The following SAMD9L variants were observed in gnomAD, a reference collection of about 807,000 sequenced individuals.
The protein encoded by SAMD9L is sterile alpha motif domain containing 9 like, also known as sterile alpha motif domain-containing protein 9-like.
Under a neutral mutation model 90.7 loss-of-function variants are expected in SAMD9L, and 68 were observed. That is an observed-to-expected ratio of 0.75 (90% CI 0.62 to 0.92). The LOEUF is 0.92. SAMD9L is among the 40% of genes least tolerant of loss of function. The pLI is 0.00. For synonymous variants in SAMD9L, 640 were observed against 630.1 expected (o/e 1.02, Z -0.23); for missense variants, 1,604 against 1,824.3 (o/e 0.88, Z 2.20).
chr7:93,138,213 C>T (rs796098442), intron 4 of SAMD9L, among the ~76,000 whole-genome samples: 1 of 152,236 alleles, frequency 6.6e-6, no homozygotes, highest in African/African-American at 2.4e-5. Flanking sequence ...ACTTGTGGGT[C>T]TTAAGGAGTC....
chr7:93,139,817 C>G (rs1216590235), intron 4 of SAMD9L, among the ~76,000 whole-genome samples: 1 of 152,206 alleles, frequency 6.6e-6, no homozygotes, highest in African/African-American at 2.4e-5. Flanking sequence ...GCCCCTCAGA[C>G]CCACTGCCTT....
rs1792394594 is a variant in SAMD9L at position 93,135,455 on chromosome 7, C to G, written c.517G>C (p.Asp173His). 6.2e-7 allele frequency: 1 copy of G among 1,614,008 alleles called. No individual in the cohort carries two copies. Among genetic ancestry groups the G allele is most frequent in the Non-Finnish European group, 8.5e-7 (1 of 1,180,002 alleles). The part of the protein sequence containing the change: ...CMPYPFDQFH[D>H]SHRYIEHYTL... ...TAATGTTCTATGTAGCGATGGCTGT[C>G]ATGGAACTGATCAAAAGGATATGGC... The change falls in exon 5 of 5, where the codon GAC becomes CAC. Residue 173 changes from aspartate to histidine, a missense_variant. Physicochemically the swap from Asp to His is moderately conservative, Grantham distance 81. Transcript: ENST00000318238.
In SAMD9L at chr7:93,134,701, C is replaced by T; in HGVS notation, c.1271G>A (p.Cys424Tyr). ...YDWYILVTNK[C>Y]HPNQIKHLDF... ...TAAGTGCTTTATTTGGTTTGGATGG[C>T]ATTTATTTGTTACAAGAATGTACCA... Residue 424 changes from cysteine to tyrosine, a missense_variant, in exon 5 of 5, where the codon TGC becomes TAC. Physicochemically the swap from Cys to Tyr is radical, Grantham distance 194. This residue lies in a region of SAMD9L where 606 missense variants were observed against 717.6 expected (regional missense o/e 0.84). Transcript: ENST00000318238. The T allele has an allele frequency of 1.2e-6, 2 of 1,613,516 alleles. No individual in the cohort carries two copies. The highest frequency in any genetic ancestry group is 1.7e-6 in the Non-Finnish European group (2 of 1,179,836).
At chr7:93,141,580 T>C (rs1023628628) in intron 4 of SAMD9L, among the ~76,000 whole-genome samples, 3 of 150,944 alleles carry the variant, frequency 2.0e-5, no homozygotes, top group Non-Finnish European at 4.4e-5. Context: ...TTTTTACTGC[T>C]TTTTTTTTCA....
rs928245048 is a variant in SAMD9L, at chr7:93,132,415, T to C, written c.3557A>G (p.Gln1186Arg). ...ETENWSPQKS[Q>R]RRYDMYNTAC... ...TGTGTTATACATGTCATATCGTCTC[T>C]GGGACTTCTGTGGTGACCAGTTCTC... Residue 1186 changes from glutamine to arginine, a missense_variant, in exon 5 of 5, where the codon CAG (glutamine) becomes CGG (arginine). Transcript: ENST00000318238. 1 of 1,613,864 alleles carries C rather than the reference T, an allele frequency of 6.2e-7. No individual in the cohort carries two copies. Among genetic ancestry groups the C allele is most frequent in the Middle Eastern group, 1.7e-4 (1 of 6,056 alleles).
At chr7:93,145,110 G>A (rs1792839962) in intron 3 of SAMD9L, among the ~76,000 whole-genome samples, 1 of 152,132 alleles carries the variant, frequency 6.6e-6, no homozygotes, top group Non-Finnish European at 1.5e-5. Context: ...TCACCCCAGA[G>A]CTTTCCACCT....
At chr7:93,147,229 G>A (rs959110207) in intron 1 of SAMD9L, 83 bp from the exon 2 acceptor site, 9 of 152,120 alleles carry the variant, frequency 5.9e-5, no homozygotes, top group African/African-American at 1.9e-4. Context: ...GTATGCTGTT[G>A]GAACTAAGTA....
At chr7:93,144,475 C>T (rs1792815613) in intron 4 of SAMD9L, among the ~76,000 whole-genome samples, 1 of 152,140 alleles carries the variant, frequency 6.6e-6, no homozygotes, top group Non-Finnish European at 1.5e-5. Flanking sequence ...ACTCAAAGTA[C>T]ACGGGAGGAT....
At position 93,148,225 on chromosome 7, in the gene SAMD9L, A is replaced by G. The variant is rs1247562732; in HGVS notation, c.-1074T>C. The G allele has an allele frequency of 2.0e-5, 3 of 152,234 alleles. No individual in the cohort carries two copies. Among genetic ancestry groups the G allele is most frequent in the African/African-American group, 7.2e-5 (3 of 41,462 alleles). The allele number at this position is 152,234 out of a possible 1,614,324, so 9.4% of individuals were successfully genotyped here. ...TTTCCTGAAAATGTCATCGTTTTATATCAGAAACTTGAAACAGGCCATTTG... is the reference window on the plus strand; with the variant it reads ...TTTCCTGAAAATGTCATCGTTTTATGTCAGAAACTTGAAACAGGCCATTTG... On this transcript the variant is annotated 5_prime_UTR_variant, in exon 1 of 5. Coordinates refer to ENST00000318238, the MANE Select transcript of SAMD9L (RefSeq NM_152703.5).
Position 93,134,092 on chromosome 7 carries a change from A to T in SAMD9L, c.1880T>A (p.Val627Glu). 6.2e-7 allele frequency: 1 copy of T among 1,613,962 alleles called. No homozygotes were observed. The highest frequency in any genetic ancestry group is 1.3e-5 in the African/African-American group (1 of 75,020). Reference sequence around the variant, plus strand: ...CAAAAACCTTCTTGATGACCGAGTCACCGATTTTAGTTTAAGGATAGTGCT... The same window carrying T: ...CAAAAACCTTCTTGATGACCGAGTCTCCGATTTTAGTTTAAGGATAGTGCT... ...VNSTILKLKS[V>E]TRSSRRFLPA... is the part of the protein sequence containing the mutation. The change falls in exon 5 of 5, where the codon GTG (valine) becomes GAG (glutamate). Residue 627 changes from valine (V) to glutamate (E), a missense_variant. Physicochemically the swap from Val to Glu is moderately radical, Grantham distance 121 (BLOSUM62 -2). This residue lies in a region of SAMD9L where 606 missense variants were observed against 717.6 expected (regional missense o/e 0.84). Transcript: ENST00000318238.
chr7:93,135,847 ACTT>A lies in SAMD9L; in HGVS notation c.122_124del (p.Glu41del). On this transcript the variant is annotated inframe_deletion, in exon 5 of 5. Transcript: ENST00000318238. ...TAATTCCTGCAGGACTAATCCTGTTACTTCTTCACTGAGCAGAATTTGCCCGTA... is the reference window on the plus strand; with the variant it reads ...TAATTCCTGCAGGACTAATCCTGTTACTTCACTGAGCAGAATTTGCCCGTA... 1 of 1,613,976 alleles carries A rather than the reference ACTT, an allele frequency of 6.2e-7. No individual in the cohort carries two copies. The highest frequency in any genetic ancestry group is 1.1e-5 in the South Asian group (1 of 91,078).
Position 93,142,776 on chromosome 7 carries a change from G to A in SAMD9L, c.-21+1956C>T, listed in dbSNP as rs1202780474. On this transcript the variant is annotated intron_variant, in intron 4 of 4. Transcript: ENST00000318238. ...GCTTTAGGCAACAAACCCTCCTCTGGAGATGCTCTTACTGTCACCATAGAG... is the reference window on the plus strand; with the variant it reads ...GCTTTAGGCAACAAACCCTCCTCTGAAGATGCTCTTACTGTCACCATAGAG... Among the ~76,000 whole-genome samples the A allele has an allele frequency of 6.6e-5, 10 of 152,198 alleles. No individual in the cohort carries two copies. The East Asian group carries it at 1.7e-3, about 26-fold the overall frequency.
Position 93,134,570 on chromosome 7 carries a change from G to A in SAMD9L, c.1402C>T (p.His468Tyr). 6.2e-7 allele frequency: 1 copy of A among 1,613,966 alleles called. No homozygotes were observed. The highest frequency in any genetic ancestry group is 1.1e-5 in the South Asian group (1 of 91,078). Residue 468 changes from histidine (H) to tyrosine (Y), a missense_variant, in exon 5 of 5, where the codon CAC becomes TAC. By Grantham distance (83) the His-to-Tyr change is moderately conservative. Transcript: ENST00000318238. ...AYKESRVANLHFPNQYEDKTT... is the reference protein window; with the variant it reads ...AYKESRVANLYFPNQYEDKTT... ...TTGTCTTCATATTGATTTGGAAAGTGAAGGTTTGCCACCCGACTTTCTTTG... is the reference window on the plus strand; with the variant it reads ...TTGTCTTCATATTGATTTGGAAAGTAAAGGTTTGCCACCCGACTTTCTTTG...
chr7:93,141,899 C>T (rs1299361007), intron 4 of SAMD9L, among the ~76,000 whole-genome samples: 1 of 152,142 alleles, frequency 6.6e-6, no homozygotes, highest in Non-Finnish European at 1.5e-5. Context: ...AGCCAAAGTC[C>T]TTAAATAAGG....
rs1416925257 is a variant in SAMD9L at position 93,132,513 on chromosome 7, TAGG to T, written c.3456_3458del (p.Leu1153del). On this transcript the variant is annotated inframe_deletion, in exon 5 of 5. Coordinates refer to ENST00000318238, the MANE Select transcript of SAMD9L (RefSeq NM_152703.5). ...CTCTTGAGGCTTTTTCCGCAGCTTCTAGGAGATGTGTTAGGTCATTAACAGTAA... is the reference window on the plus strand; with the variant it reads ...CTCTTGAGGCTTTTTCCGCAGCTTCTAGATGTGTTAGGTCATTAACAGTAA... 1 of 1,613,834 alleles carries T rather than the reference TAGG, an allele frequency of 6.2e-7. No homozygotes were observed. Among genetic ancestry groups the T allele is most frequent in the East Asian group, 2.2e-5 (1 of 44,890 alleles).
At position 93,133,211 on chromosome 7, in the gene SAMD9L, G is replaced by A. The variant is rs1792224771; in HGVS notation, c.2761C>T (p.Leu921Phe). The change falls in exon 5 of 5, where the codon CTC (leucine) becomes TTC (phenylalanine). Residue 921 changes from leucine to phenylalanine, a missense_variant. Leu to Phe is a conservative substitution (Grantham distance 22). Coordinates refer to ENST00000318238, the MANE Select transcript of SAMD9L (RefSeq NM_152703.5). ...GQDVDSKEAQ[L>F]ISFLALLSSY... is the part of the protein sequence containing the mutation. ...CTGAGTAAAGCCAGGAAGGAAATGAGTTGTGCTTCCTTGCTGTCAACATCC... is the reference window on the plus strand; with the variant it reads ...CTGAGTAAAGCCAGGAAGGAAATGAATTGTGCTTCCTTGCTGTCAACATCC... The A allele has an allele frequency of 2.5e-6, 4 of 1,613,296 alleles. No homozygotes were observed. In the East Asian group the frequency reaches 6.7e-5, roughly 27 times the overall value.
At position 93,135,837 on chromosome 7, in the gene SAMD9L, T is replaced by C. The variant is rs762101388; in HGVS notation, c.135A>G (p.Leu45=). ...CCTTCTCAGTTAATTCCTGCAGGACTAATCCTGTTACTTCTTCACTGAGCA... is the reference window on the plus strand; with the variant it reads ...CCTTCTCAGTTAATTCCTGCAGGACCAATCCTGTTACTTCTTCACTGAGCA... ...QILLSEEVTG[L]VLQELTEKDL... is the part of the protein sequence containing the mutation. The change falls in exon 5 of 5, where the codon TTA becomes TTG. Residue 45 remains leucine (L), a synonymous_variant. Transcript: ENST00000318238. 1 of 1,614,084 alleles carries C rather than the reference T, an allele frequency of 6.2e-7. No homozygotes were observed. Among genetic ancestry groups the C allele is most frequent in the Non-Finnish European group, 8.5e-7 (1 of 1,179,986 alleles).
At position 93,133,382 on chromosome 7, in the gene SAMD9L, T is replaced by A. The variant is rs1272546686; in HGVS notation, c.2590A>T (p.Lys864Ter). Residue 864 changes from lysine to a stop codon, truncating the protein, a stop_gained, in exon 5 of 5, where the codon AAG becomes TAG. Transcript: ENST00000318238. LOFTEE classifies it high-confidence loss of function. ...SIALNYQLSS[K>*]EQRAFGAKLK... ...TTGGCACCAAAAGCTCTTTGTTCCT[T>A]GGAAGAAAGTTGGTAATTTAGTGCA... 6.2e-7 allele frequency: 1 copy of A among 1,613,760 alleles called. No individual in the cohort carries two copies. Among genetic ancestry groups the A allele is most frequent in the Admixed American group, 1.7e-5 (1 of 59,968 alleles).
intron 4 of SAMD9L, among the ~76,000 whole-genome samples, chr7:93,142,313 C>T (rs924215024): frequency 4.6e-5 from 7 of 152,190 alleles, no homozygotes; most frequent in Admixed American, 2.6e-4. Flanking sequence ...GTCATTCATG[C>T]ATGAATCACC....
Sources: gnomAD v4.1 joint callset for allele counts (sites outside exome capture counted in the v4.1 genomes callset) on GRCh38, gnomAD v4.1.1 for gene constraint, gnomAD v4.1.1 regional missense constraint, MANE v1.5 for transcripts, NCBI Gene and HGNC (gene_info 2026-07-23, HGNC 2026-07-21) for gene names.